Variants in MYCBPAP observed in about 807,000 individuals in gnomAD.
MYCBPAP encodes the protein MYCBP-associated protein.
Under a neutral mutation model 106.1 loss-of-function variants are expected in MYCBPAP, and 60 were observed. The observed-to-expected ratio is 0.57, with a 90% CI of 0.46 to 0.70. MYCBPAP has a LOEUF of 0.70. Among genes scored for constraint, MYCBPAP ranks in the 30% least tolerant of loss-of-function variants. The pLI, the probability that MYCBPAP is intolerant of heterozygous loss-of-function variation, is 0.00. For synonymous variants in MYCBPAP, 407 were observed against 440.6 expected, an observed-to-expected ratio of 0.92 and a Z score of 0.95; for missense variants, 1,064 against 1,169.3, an observed-to-expected ratio of 0.91 and a Z score of 1.31.
At chr17:50,528,916 G>A (rs1416637331) in intron 17 of MYCBPAP, 76 bp downstream of exon 17, 2 of 1,600,044 alleles carry the variant, frequency 1.2e-6, no homozygotes, top group Non-Finnish European at 1.7e-6. Context: ...GGGCTGTGGA[G>A]GTGGGCATGT....
intron 7 of MYCBPAP, 106 bp downstream of exon 7, chr17:50,519,893 G>A (rs1383454294): frequency 1.6e-6 from 2 of 1,271,296 alleles, no homozygotes; most frequent in African/African-American, 3.0e-5. Context: ...CCCAGGGCCT[G>A]TTTCTCTGTG....
intron 1 of MYCBPAP, among the ~76,000 whole-genome samples, chr17:50,513,318 C>G (rs1724084364): frequency 6.6e-6 from 1 of 150,746 alleles, no homozygotes; most frequent in Middle Eastern, 3.5e-3. Context: ...GCCCGGGAGG[C>G]GGAGGTTGCA....
rs151326765 is a variant in MYCBPAP at position 50,524,983 on chromosome 17, A to C, written c.1742A>C (p.Tyr581Ser). 4 of 1,613,782 alleles carry C rather than the reference A, an allele frequency of 2.5e-6. No homozygotes were observed. Among genetic ancestry groups the C allele is most frequent in the African/African-American group, 2.7e-5 (2 of 74,936 alleles). ...CGCACACCATCACCTGTGGATGCCT[A>C]TCTCACCGAGGAAGACTTGTTCCGG... ...PERTPSPVDA[Y>S]LTEEDLFRHR... Residue 581 changes from tyrosine (Y) to serine (S), a missense_variant, in exon 13 of 19, where the codon TAT becomes TCT. Coordinates refer to ENST00000323776, the MANE Select transcript of MYCBPAP (RefSeq NM_032133.6).
At chr17:50,510,855 A>C (rs2033821109) in intron 1 of MYCBPAP, among the ~76,000 whole-genome samples, 9 of 151,854 alleles carry the variant, frequency 5.9e-5, no homozygotes, top group Admixed American at 5.9e-4. Context: ...GAGAGAGGGA[A>C]TATCTGGTCT....
At chr17:50,515,786 G>C (rs2034026633) in intron 1 of MYCBPAP, 1 of 152,184 alleles carries the variant, frequency 6.6e-6, no homozygotes, top group South Asian at 2.1e-4. Flanking sequence ...ACCCAAGACT[G>C]TCCAGCTTAT....
chr17:50,519,223 T>A (rs1044200944), intron 6 of MYCBPAP, 134 bp downstream of exon 6: 1 of 638,326 alleles, frequency 1.6e-6, no homozygotes, highest in Non-Finnish European at 2.8e-6. Flanking sequence ...TTGCAAAACA[T>A]CATTAGGCCC....
upstream of MYCBPAP, among the ~76,000 whole-genome samples, chr17:50,507,911 T>C (rs546423670): frequency 5.6e-4 from 85 of 152,058 alleles, no homozygotes; most frequent in Non-Finnish European, 9.9e-4. Flanking sequence ...AGCGGGTGCG[T>C]TTATAAACTT....
chr17:50,524,787 G>A lies in MYCBPAP; in HGVS notation c.1636-90G>A, dbSNP rs956581401. 4.5e-6 allele frequency: 6 copies of A among 1,345,654 alleles called. No homozygotes were observed. The African/African-American group carries it at 8.8e-5, about 20-fold the overall frequency. 83.4% of individuals were successfully genotyped at this position (1,345,654 alleles called of 1,614,324 possible). On this transcript the variant is annotated intron_variant, in intron 12 of 18. Coordinates refer to ENST00000323776, the MANE Select transcript of MYCBPAP (RefSeq NM_032133.6). Reference sequence around the variant, plus strand: ...ATGGCAGGAACTCAGACCCTAGGAAGGCACAAAGTCCTGGGGGCTCCAACT... The same window carrying A: ...ATGGCAGGAACTCAGACCCTAGGAAAGCACAAAGTCCTGGGGGCTCCAACT...
intron 4 of MYCBPAP, 103 bp downstream of exon 4, chr17:50,517,801 T>A: frequency 1.0e-6 from 1 of 958,740 alleles, no homozygotes. Context: ...GACAGTCTAG[T>A]CTGTAGGTTT....
In MYCBPAP at chr17:50,524,897, G is replaced by A. The variant is rs1449875796; in HGVS notation, c.1656G>A (p.Glu552=). The change falls in exon 13 of 19, where the codon GAG becomes GAA. Residue 552 remains glutamate (E), a synonymous_variant. Coordinates refer to ENST00000323776, the MANE Select transcript of MYCBPAP (RefSeq NM_032133.6). ...KVLESKLTAH[E]AVTVVREVLQ... The stretch of plus-strand genomic sequence containing the variant: ...TGCAGAGCAAGCTGACTGCCCATGA[G>A]GCAGTCACCGTCGTTCGCGAAGTGC... 2.5e-6 allele frequency: 4 copies of A among 1,613,790 alleles called. No homozygotes were observed. The African/African-American group carries it at 4.0e-5, about 16-fold the overall frequency.
At chr17:50,531,241 C>A in intron 18 of MYCBPAP, 86 bp from the exon 19 acceptor site, 1 of 767,370 alleles carries the variant, frequency 1.3e-6, no homozygotes, top group Non-Finnish European at 2.0e-6. Flanking sequence ...TCTTTCCCCT[C>A]TCCAGCTATT....
chr17:50,512,945 G>A (rs895365933), intron 1 of MYCBPAP, among the ~76,000 whole-genome samples: 1 of 151,850 alleles, frequency 6.6e-6, no homozygotes, highest in African/African-American at 2.4e-5. Context: ...GGCCGGGTGC[G>A]GTGGCTCATG....
At chr17:50,516,990 G>C (rs746450737) in intron 2 of MYCBPAP, among the ~76,000 whole-genome samples, 1 of 152,202 alleles carries the variant, frequency 6.6e-6, no homozygotes, top group Admixed American at 6.5e-5. Flanking sequence ...ATGAGTTTAA[G>C]GAGCCAAGGT....
At chr17:50,524,856 C>G in intron 12 of MYCBPAP, 21 bp from the exon 13 acceptor site, 3 of 1,609,962 alleles carry the variant, frequency 1.9e-6, no homozygotes, top group Non-Finnish European at 1.7e-6. Flanking sequence ...CTGCCATCCT[C>G]TGCCACCTTC....
At chr17:50,526,293 T>C (rs755651216) in intron 14 of MYCBPAP, 26 bp downstream of exon 14, 7 of 1,558,156 alleles carry the variant, frequency 4.5e-6, no homozygotes, top group Non-Finnish European at 6.0e-6. Flanking sequence ...TGGAAGGCAA[T>C]GGTAGAGAAT....
chr17:50,511,526 T>C (rs915149457), intron 1 of MYCBPAP, among the ~76,000 whole-genome samples: 3 of 152,076 alleles, frequency 2.0e-5, no homozygotes, highest in African/African-American at 7.2e-5. Context: ...GCAGAAGAAA[T>C]AGAGTCCGGG....
chr17:50,519,574 C>G, intron 6 of MYCBPAP, 66 bp from the exon 7 acceptor site: 1 of 1,586,296 alleles, frequency 6.3e-7, no homozygotes, highest in Non-Finnish European at 8.6e-7. Flanking sequence ...TCTTGTCTTC[C>G]CACATCTCCA....
At chr17:50,520,938 TGC>T in intron 7 of MYCBPAP, 170 bp from the exon 8 acceptor site, 1 of 588,770 alleles carries the variant, frequency 1.7e-6, no homozygotes, top group South Asian at 2.0e-5. Flanking sequence ...TGTGTAGGGC[TGC>T]TGAGGAGGTA....
In MYCBPAP at chr17:50,509,011, T is replaced by C. The variant is rs370133568; in HGVS notation, c.76+261T>C. The C allele has an allele frequency of 2.0e-3, 1,426 of 702,564 alleles. 16 individuals are homozygous for C. In the African/African-American group the frequency reaches 0.022, roughly 11 times the overall value. The allele number at this position is 702,564 out of a possible 1,614,324, so 43.5% of individuals were successfully genotyped here. A position where few individuals can be genotyped will look rare whatever the true frequency, so the allele number is the denominator to read the frequency against. Reference sequence around the variant, plus strand: ...CCTCAGGGACCACTGGCTGGGGAGATGGCCTTGCGCTACCTCTAACCACAT... The same window carrying C: ...CCTCAGGGACCACTGGCTGGGGAGACGGCCTTGCGCTACCTCTAACCACAT... On this transcript the variant is annotated intron_variant, in intron 1 of 18. Transcript: ENST00000323776.
Sources: allele counts gnomAD v4.1 joint callset (sites outside exome capture counted in the v4.1 genomes callset), GRCh38; gene constraint gnomAD v4.1.1; transcripts MANE v1.5; gene names NCBI Gene and HGNC (gene_info 2026-07-23, HGNC 2026-07-21).